Variants in PTPRD observed in about 807,000 individuals in gnomAD.
PTPRD encodes the protein receptor-type tyrosine-protein phosphatase delta.
PTPRD carries 34 observed loss-of-function variants against 214.5 expected under a neutral mutation model. That is an observed-to-expected ratio of 0.16 (90% CI 0.12 to 0.21). PTPRD has a LOEUF of 0.21. Among genes scored for constraint, PTPRD ranks in the 10% least tolerant of loss-of-function variants. The probability of loss-of-function intolerance (pLI) is 1.00; values close to 1 mark genes in which losing one functional copy is unlikely to be tolerated. For synonymous variants in PTPRD, 1,128 were observed against 845.7 expected, an observed-to-expected ratio of 1.33 and a Z score of -5.79; for missense variants, 2,545 against 2,398.7, an observed-to-expected ratio of 1.06 and a Z score of -1.27.
At chr9:10,156,860 T>C (rs2099096605) in intron 3 of PTPRD, among the ~76,000 whole-genome samples, 1 of 152,226 alleles carries the variant, frequency 6.6e-6, no homozygotes, top group Non-Finnish European at 1.5e-5. Flanking sequence ...GGTCTTCTCT[T>C]GAATTGAACC....
chr9:10,274,016 A>G (rs548465968), intron 3 of PTPRD, among the ~76,000 whole-genome samples: 3 of 152,116 alleles, frequency 2.0e-5, no homozygotes, highest in Non-Finnish European at 4.4e-5. Context: ...TTCTGTTTGT[A>G]TCCTCCTAAC....
chr9:10,099,552 G>C (rs532954656), intron 3 of PTPRD, among the ~76,000 whole-genome samples: 59 of 151,652 alleles, frequency 3.9e-4, no homozygotes, highest in African/African-American at 1.4e-3. Flanking sequence ...TGAATTATTT[G>C]AGGTTTCTGA....
chr9:9,056,130 T>G (rs1239744802), intron 10 of PTPRD, among the ~76,000 whole-genome samples: 3 of 152,228 alleles, frequency 2.0e-5, no homozygotes, highest in African/African-American at 7.2e-5. Context: ...TCTAGACTTC[T>G]AGACCTCAGT....
chr9:10,037,567 C>T (rs952748788), intron 3 of PTPRD, among the ~76,000 whole-genome samples: 184 of 119,670 alleles, frequency 1.5e-3, no homozygotes, highest in Middle Eastern at 0.014. Flanking sequence ...TTGAGTATTT[C>T]TTTATAGCAG....
chr9:9,007,495 C>G (rs539606711), intron 11 of PTPRD, among the ~76,000 whole-genome samples: 1 of 151,734 alleles, frequency 6.6e-6, no homozygotes, highest in Non-Finnish European at 1.5e-5. Flanking sequence ...GTGCTTGACC[C>G]TATTACTTTT....
chr9:9,795,030 C>T (rs2098993175), intron 5 of PTPRD, among the ~76,000 whole-genome samples: 3 of 152,208 alleles, frequency 2.0e-5, no homozygotes, highest in African/African-American at 7.2e-5. Context: ...TCAATGTGCT[C>T]ACTGGCACAG....
chr9:9,641,211 C>A (rs1291129409), intron 7 of PTPRD, among the ~76,000 whole-genome samples: 2 of 152,168 alleles, frequency 1.3e-5, no homozygotes, highest in Non-Finnish European at 1.5e-5. Flanking sequence ...TCATCAAAAT[C>A]ATGATACTCT....
intron 2 of PTPRD, among the ~76,000 whole-genome samples, chr9:10,410,496 A>G (rs2154506431): frequency 6.6e-6 from 1 of 151,344 alleles, no homozygotes; most frequent in South Asian, 2.1e-4. Context: ...GATGGTTTAT[A>G]GACACAAACT....
At chr9:8,318,753 C>G (rs919046335) in intron 45 of PTPRD, among the ~76,000 whole-genome samples, 1 of 151,958 alleles carries the variant, frequency 6.6e-6, no homozygotes, top group South Asian at 2.1e-4. Context: ...GAAGCATGGC[C>G]TTTTTCAGAC....
intron 10 of PTPRD, among the ~76,000 whole-genome samples, chr9:9,024,574 T>C (rs1382927743): frequency 6.6e-6 from 1 of 151,768 alleles, no homozygotes; most frequent in Non-Finnish European, 1.5e-5. Context: ...TTCTCCACAC[T>C]GAAGCTAATA....
intron 12 of PTPRD, among the ~76,000 whole-genome samples, chr9:8,671,942 A>G (rs574976419): frequency 3.3e-5 from 5 of 152,340 alleles, no homozygotes; most frequent in African/African-American, 1.2e-4. Flanking sequence ...CTTTACATAC[A>G]TACTCAAATA....
chr9:10,456,642 C>T (rs991931129), intron 2 of PTPRD, among the ~76,000 whole-genome samples: 3 of 151,858 alleles, frequency 2.0e-5, no homozygotes, highest in African/African-American at 7.2e-5. Flanking sequence ...TTGATGCAGA[C>T]TCAGACACAG....
intron 12 of PTPRD, among the ~76,000 whole-genome samples, chr9:8,707,884 G>A (rs1247772813): frequency 2.0e-5 from 3 of 152,184 alleles, no homozygotes; most frequent in Non-Finnish European, 2.9e-5. Context: ...TACTGGTTGT[G>A]TATTGTCTCT....
intron 7 of PTPRD, among the ~76,000 whole-genome samples, chr9:9,612,775 G>C (rs1274640345): frequency 6.6e-6 from 1 of 152,028 alleles, no homozygotes; most frequent in Non-Finnish European, 1.5e-5. Flanking sequence ...GGACTATTTT[G>C]ATTCATGTTG....
chr9:9,854,157 A>T (rs73643807), intron 5 of PTPRD, among the ~76,000 whole-genome samples: 5,172 of 152,216 alleles, frequency 0.034, 284 homozygotes, highest in African/African-American at 0.11. Flanking sequence ...CTATTACTCT[A>T]ACCTGCTATT....
At chr9:8,485,390 A>G in intron 28 of PTPRD, 66 bp from the exon 29 acceptor site, 2 of 1,145,690 alleles carry the variant, frequency 1.7e-6, no homozygotes, top group Non-Finnish European at 2.6e-6. Flanking sequence ...CCTTTCCACC[A>G]TGGACCATAG....
chr9:10,093,141 A>G (rs753468571), intron 3 of PTPRD, among the ~76,000 whole-genome samples: 7 of 151,798 alleles, frequency 4.6e-5, no homozygotes, highest in Non-Finnish European at 8.8e-5. Flanking sequence ...ACACGAAAAG[A>G]AAAGGAAAAG....
intron 2 of PTPRD, among the ~76,000 whole-genome samples, chr9:10,564,531 C>G (rs755408480): frequency 1.3e-5 from 2 of 151,778 alleles, no homozygotes; most frequent in African/African-American, 2.4e-5. Flanking sequence ...TAAAGTGATT[C>G]TTTCCAAGGG....
chr9:8,656,374 C>A (rs185758570), intron 12 of PTPRD, among the ~76,000 whole-genome samples: 4 of 152,182 alleles, frequency 2.6e-5, no homozygotes, highest in Non-Finnish European at 4.4e-5. Flanking sequence ...ATCTCAAATG[C>A]CTTCTCCTGG....
Sources: allele counts gnomAD v4.1 joint callset (sites outside exome capture counted in the v4.1 genomes callset), GRCh38; gene constraint gnomAD v4.1.1; transcripts MANE v1.5; gene names NCBI Gene and HGNC (gene_info 2026-07-23, HGNC 2026-07-21).